The following CDH12 variants were observed in gnomAD, a reference collection of about 807,000 sequenced individuals.
CDH12 encodes cadherin-12.
CDH12 carries 41 observed loss-of-function variants against 74.1 expected under a neutral mutation model. The ratio of observed to expected loss-of-function variants is 0.55; its 90% CI spans 0.43 to 0.72. The LOEUF is 0.72. CDH12 is among the 30% of genes least tolerant of loss of function. The pLI, the probability that CDH12 is intolerant of heterozygous loss-of-function variation, is 0.00. For missense variants in CDH12, 945 were observed against 977.2 expected, an observed-to-expected ratio of 0.97 and a Z score of 0.44; for synonymous variants, 399 against 355.0, an observed-to-expected ratio of 1.12 and a Z score of -1.39.
intron 2 of CDH12, among the ~76,000 whole-genome samples, chr5:22,461,947 C>T (rs1464113211): frequency 6.6e-6 from 1 of 151,948 alleles, no homozygotes; most frequent in Non-Finnish European, 1.5e-5. Context: ...CAGTTCAAAA[C>T]CTTACCTAAT....
intron 1 of CDH12, among the ~76,000 whole-genome samples, chr5:22,762,445 A>G (rs1374877286): frequency 2.0e-5 from 3 of 152,118 alleles, no homozygotes; most frequent in African/African-American, 4.8e-5. Flanking sequence ...TTTATTTGCT[A>G]GAATAGCATT....
intron 2 of CDH12, among the ~76,000 whole-genome samples, chr5:22,485,527 T>C (rs1451412521): frequency 6.6e-6 from 1 of 152,238 alleles, no homozygotes; most frequent in African/African-American, 2.4e-5. Flanking sequence ...CTTATGCTTT[T>C]TTCCCCTGGC....
intron 12 of CDH12, among the ~76,000 whole-genome samples, chr5:21,761,735 G>A (rs201062743): frequency 5.1e-5 from 6 of 117,464 alleles, no homozygotes; most frequent in African/African-American, 1.2e-4. Flanking sequence ...ATGGATGGAT[G>A]GATAGATATA....
intron 2 of CDH12, among the ~76,000 whole-genome samples, chr5:22,480,841 T>A (rs753573480): frequency 1.3e-5 from 2 of 152,188 alleles, no homozygotes; most frequent in Non-Finnish European, 2.9e-5. Flanking sequence ...TTATTCTTCA[T>A]CATTTCAAAA....
intron 6 of CDH12, 110 bp from the exon 7 acceptor site, chr5:21,854,900 C>CCA: frequency 2.3e-6 from 2 of 876,278 alleles, no homozygotes; most frequent in Non-Finnish European, 3.5e-6. Flanking sequence ...ACGTCAAGTA[C>CCA]ACCATGAGTA....
At chr5:21,780,337 C>T (rs1209156487) in intron 11 of CDH12, among the ~76,000 whole-genome samples, 2 of 152,166 alleles carry the variant, frequency 1.3e-5, no homozygotes, top group Admixed American at 6.5e-5. Context: ...TACTTCCTTC[C>T]ATTTTCTAAA....
chr5:22,384,387 G>A (rs1234684806), intron 3 of CDH12, among the ~76,000 whole-genome samples: 14 of 150,788 alleles, frequency 9.3e-5, no homozygotes, highest in Admixed American at 2.0e-4. Flanking sequence ...TTAGCCGGGC[G>A]TGATGGTGGG....
chr5:22,421,902 T>C (rs1224159067), intron 2 of CDH12, among the ~76,000 whole-genome samples: 2 of 152,228 alleles, frequency 1.3e-5, no homozygotes, highest in East Asian at 3.8e-4. Context: ...AGAAGGTATC[T>C]CATTTTGGTT....
At chr5:22,059,716 C>T (rs942494362) in intron 5 of CDH12, among the ~76,000 whole-genome samples, 13 of 151,788 alleles carry the variant, frequency 8.6e-5, no homozygotes, top group African/African-American at 1.9e-4. Flanking sequence ...ATTTCCAAAC[C>T]GCCTCATGTT....
chr5:22,550,301 T>A (rs1287192126), intron 1 of CDH12, among the ~76,000 whole-genome samples: 2 of 152,180 alleles, frequency 1.3e-5, no homozygotes, highest in Non-Finnish European at 2.9e-5. Flanking sequence ...TGAACACTTA[T>A]CTCATTTAGA....
intron 7 of CDH12, among the ~76,000 whole-genome samples, chr5:21,851,683 T>A (rs1750476026): frequency 6.6e-6 from 1 of 151,256 alleles, no homozygotes; most frequent in Non-Finnish European, 1.5e-5. Flanking sequence ...TCAAATACAC[T>A]GATTTTAAAA....
In CDH12 at chr5:22,600,235, C is replaced by G. The variant is rs559418027; in HGVS notation, c.-522-94871G>C. Among the ~76,000 whole-genome samples, 9 of 152,236 alleles carry G rather than the reference C, an allele frequency of 5.9e-5. No individual in the cohort carries two copies. In the East Asian group the frequency reaches 1.4e-3, roughly 23 times the overall value. On this transcript the variant is annotated intron_variant, in intron 1 of 14. Coordinates refer to ENST00000382254, the MANE Select transcript of CDH12 (RefSeq NM_004061.5). ...ATATGTGAAGCATTTGAAACAGCATCTGGCACACAATGCTATTCGTGTCTC... is the reference window on the plus strand; with the variant it reads ...ATATGTGAAGCATTTGAAACAGCATGTGGCACACAATGCTATTCGTGTCTC...
At chr5:21,803,553 T>C (rs1747257390) in intron 9 of CDH12, among the ~76,000 whole-genome samples, 1 of 152,162 alleles carries the variant, frequency 6.6e-6, no homozygotes, top group Non-Finnish European at 1.5e-5. Context: ...TAAATATTAA[T>C]TTTATGTCCA....
intron 1 of CDH12, among the ~76,000 whole-genome samples, chr5:22,555,786 C>G (rs1422225602): frequency 6.6e-6 from 1 of 151,770 alleles, no homozygotes; most frequent in Non-Finnish European, 1.5e-5. Context: ...TCTGTTTATA[C>G]CCCACATTAT....
chr5:22,307,455 G>A (rs1054173726), intron 3 of CDH12, among the ~76,000 whole-genome samples: 2 of 152,148 alleles, frequency 1.3e-5, no homozygotes, highest in Non-Finnish European at 2.9e-5. Context: ...GACACAATGT[G>A]TATGGGTGCT....
At chr5:22,642,687 G>C (rs981098490) in intron 1 of CDH12, among the ~76,000 whole-genome samples, 1 of 152,028 alleles carries the variant, frequency 6.6e-6, no homozygotes, top group African/African-American at 2.4e-5. Context: ...TTTAAAAATT[G>C]GAATAAATGT....
intron 6 of CDH12, among the ~76,000 whole-genome samples, chr5:21,936,440 T>C (rs543155317): frequency 6.6e-6 from 1 of 152,188 alleles, no homozygotes; most frequent in Admixed American, 6.5e-5. Context: ...ATTAAATATT[T>C]ACCTTGTCTC....
intron 1 of CDH12, among the ~76,000 whole-genome samples, chr5:22,521,473 C>T (rs1737052474): frequency 6.6e-6 from 1 of 151,778 alleles, no homozygotes; most frequent in African/African-American, 2.4e-5. Context: ...TAATATTTTC[C>T]CTGAATCAAC....
At chr5:22,664,638 G>C (rs1740518781) in intron 1 of CDH12, among the ~76,000 whole-genome samples, 1 of 152,138 alleles carries the variant, frequency 6.6e-6, no homozygotes, top group East Asian at 1.9e-4. Flanking sequence ...TACAATACTA[G>C]TAGTAATAGT....
Sources: gnomAD v4.1 joint callset for allele counts (sites outside exome capture counted in the v4.1 genomes callset) on GRCh38, gnomAD v4.1.1 for gene constraint, MANE v1.5 for transcripts, NCBI Gene and HGNC (gene_info 2026-07-23, HGNC 2026-07-21) for gene names.